The following PDE7B variants were observed in gnomAD, a reference collection of about 807,000 sequenced individuals.
PDE7B encodes the protein 3',5'-cyclic-AMP phosphodiesterase 7B.
PDE7B carries 29 observed loss-of-function variants against 56.2 expected under a neutral mutation model. The observed-to-expected ratio is 0.52, with a 90% CI of 0.38 to 0.70. The LOEUF is 0.70. PDE7B is among the 30% of genes least tolerant of loss of function. The pLI, the probability that PDE7B is intolerant of heterozygous loss-of-function variation, is 0.00. For missense variants in PDE7B, 490 were observed against 565.0 expected (o/e 0.87, Z 1.35); for synonymous variants, 197 against 196.9 (o/e 1.00, Z 0.00).
At chr6:136,077,655 A>G (rs187912398) in intron 2 of PDE7B, among the ~76,000 whole-genome samples, 141 of 152,352 alleles carry the variant, frequency 9.3e-4, no homozygotes, top group Middle Eastern at 3.4e-3. Context: ...TATTAATCTT[A>G]AAGGCTTCAA....
At chr6:135,973,819 GT>G (rs930725143) in intron 2 of PDE7B, among the ~76,000 whole-genome samples, 1 of 152,164 alleles carries the variant, frequency 6.6e-6, no homozygotes, top group African/African-American at 2.4e-5. Context: ...AATAAATTAT[GT>G]TTTGTTAGAA....
chr6:136,134,076 G>T (rs1351252942), intron 3 of PDE7B, among the ~76,000 whole-genome samples: 3 of 152,086 alleles, frequency 2.0e-5, no homozygotes, highest in Non-Finnish European at 2.9e-5. Context: ...TTGGAGCAGG[G>T]GGCTGACATG....
At chr6:136,083,455 G>A (rs1196873264) in intron 2 of PDE7B, among the ~76,000 whole-genome samples, 1 of 152,064 alleles carries the variant, frequency 6.6e-6, no homozygotes, top group African/African-American at 2.4e-5. Context: ...GTGAATTGGG[G>A]CATTTTCAAT....
chr6:136,107,792 C>G (rs1223176283), intron 2 of PDE7B, among the ~76,000 whole-genome samples: 1 of 152,070 alleles, frequency 6.6e-6, no homozygotes, highest in African/African-American at 2.4e-5. Flanking sequence ...ATGAGAAAGG[C>G]AGGACACATA....
At chr6:135,858,399 C>T (rs531878366) in intron 1 of PDE7B, among the ~76,000 whole-genome samples, 57 of 152,282 alleles carry the variant, frequency 3.7e-4, no homozygotes, top group Non-Finnish European at 7.8e-4. Flanking sequence ...GTGATCCACC[C>T]GCCTTGGCCT....
chr6:135,920,561 G>A (rs1774055579), intron 1 of PDE7B, among the ~76,000 whole-genome samples: 1 of 152,140 alleles, frequency 6.6e-6, no homozygotes, highest in African/African-American at 2.4e-5. Flanking sequence ...GATAGTGAAT[G>A]TTTTTCCATT....
intron 1 of PDE7B, among the ~76,000 whole-genome samples, chr6:135,916,366 T>A (rs1347319853): frequency 6.8e-6 from 1 of 146,278 alleles, no homozygotes; most frequent in African/African-American, 2.6e-5. Flanking sequence ...TCTTTTGCCC[T>A]TTTTTTCTTT....
rs544545240 is a variant in PDE7B at position 135,949,025 on chromosome 6, T to C, written c.82+1501T>C. 3.3e-5 allele frequency among the ~76,000 whole-genome samples: 5 copies of C among 152,134 alleles called. No individual in the cohort carries two copies. In the East Asian group the frequency reaches 9.7e-4, roughly 29 times the overall value. On this transcript the variant is annotated intron_variant, in intron 2 of 12. Coordinates refer to ENST00000308191, the MANE Select transcript of PDE7B (RefSeq NM_018945.4). ...ACTGTTTTACCATCACATCAAATAA[T>C]CTATTCAACAATTAACTCATTTAAT...
At chr6:136,026,486 A>C (rs1010519049) in intron 2 of PDE7B, among the ~76,000 whole-genome samples, 1 of 152,208 alleles carries the variant, frequency 6.6e-6, no homozygotes, top group Non-Finnish European at 1.5e-5. Flanking sequence ...TGTGGTAATT[A>C]TTCTTCCTTT....
Position 135,978,923 on chromosome 6 carries a change from G to C in PDE7B, c.82+31399G>C, listed in dbSNP as rs145211312. Among the ~76,000 whole-genome samples the C allele has an allele frequency of 1.6e-3, 243 of 152,064 alleles. 1 individual carries two copies. In the East Asian group the frequency reaches 0.028, roughly 17 times the overall value. ...GAACTTCCAACACTATGTTGAATAGGAGTGGTGAGAGAGGGCATCCGTGTC... is the reference window on the plus strand; with the variant it reads ...GAACTTCCAACACTATGTTGAATAGCAGTGGTGAGAGAGGGCATCCGTGTC... On this transcript the variant is annotated intron_variant, in intron 2 of 12. Coordinates refer to ENST00000308191, the MANE Select transcript of PDE7B (RefSeq NM_018945.4).
At chr6:135,911,650 G>A (rs759108633) in intron 1 of PDE7B, among the ~76,000 whole-genome samples, 7 of 152,066 alleles carry the variant, frequency 4.6e-5, no homozygotes, top group Non-Finnish European at 1.0e-4. Flanking sequence ...GAGAAGACAT[G>A]GTCTAATTAT....
At chr6:135,856,503 T>C (rs1775029735) in intron 1 of PDE7B, among the ~76,000 whole-genome samples, 1 of 152,188 alleles carries the variant, frequency 6.6e-6, no homozygotes, top group Non-Finnish European at 1.5e-5. Context: ...AGAAGAAAGT[T>C]TTGGTGAATT....
intron 2 of PDE7B, among the ~76,000 whole-genome samples, chr6:136,100,997 C>A (rs1450820798): frequency 6.6e-6 from 1 of 152,070 alleles, no homozygotes; most frequent in East Asian, 1.9e-4. Context: ...TTGTCTAAGG[C>A]CTTTTCTGCA....
At chr6:136,010,617 G>A (rs1036226888) in intron 2 of PDE7B, among the ~76,000 whole-genome samples, 2 of 151,832 alleles carry the variant, frequency 1.3e-5, no homozygotes, top group Non-Finnish European at 2.9e-5. Flanking sequence ...CCTTTTAGAT[G>A]TATTTTTGCT....
chr6:136,113,432 T>C (rs779366352), intron 3 of PDE7B, among the ~76,000 whole-genome samples: 6 of 152,232 alleles, frequency 3.9e-5, no homozygotes, highest in South Asian at 4.1e-4. Context: ...TTACACAATT[T>C]AGAAGAGAGT....
intron 1 of PDE7B, among the ~76,000 whole-genome samples, chr6:135,900,230 G>A (rs1321139023): frequency 1.3e-5 from 2 of 151,786 alleles, no homozygotes; most frequent in Non-Finnish European, 2.9e-5. Flanking sequence ...TTTAACCTTA[G>A]CATGTGAATC....
chr6:136,008,629 C>G (rs1775831235), intron 2 of PDE7B, among the ~76,000 whole-genome samples: 1 of 152,208 alleles, frequency 6.6e-6, no homozygotes, highest in African/African-American at 2.4e-5. Flanking sequence ...GCATAAATGT[C>G]TTCTTTTGAG....
chr6:135,953,236 T>C (rs1163684208), intron 2 of PDE7B, among the ~76,000 whole-genome samples: 1 of 152,136 alleles, frequency 6.6e-6, no homozygotes, highest in African/African-American at 2.4e-5. Context: ...ATTTTGCTCT[T>C]ATCACTTGCT....
intron 12 of PDE7B, among the ~76,000 whole-genome samples, chr6:136,191,042 A>C (rs376869985): frequency 2.4e-3 from 166 of 70,124 alleles, no homozygotes; most frequent in African/African-American, 0.012. Context: ...TTTTTTACTT[A>C]TATGTCTTTC....
Sources: allele counts gnomAD v4.1 joint callset (sites outside exome capture counted in the v4.1 genomes callset), GRCh38; gene constraint gnomAD v4.1.1; transcripts MANE v1.5; gene names NCBI Gene and HGNC (gene_info 2026-07-23, HGNC 2026-07-21).